The following MED27 variants were observed in gnomAD, a reference collection of about 807,000 sequenced individuals.
MED27 encodes the protein mediator complex subunit 27, also known as mediator of RNA polymerase II transcription subunit 27.
Under a neutral mutation model 38.2 loss-of-function variants are expected in MED27, and 30 were observed. The observed-to-expected ratio is 0.79, with a 90% CI of 0.59 to 1.07. The LOEUF (loss-of-function observed/expected upper bound fraction) is 1.07, where lower values mean the gene tolerates loss of function less well. MED27 is among the 50% of genes least tolerant of loss of function. The pLI is 0.00. For synonymous variants in MED27, 122 were observed against 153.5 expected, an observed-to-expected ratio of 0.79 and a Z score of 1.52; for missense variants, 289 against 397.5, an observed-to-expected ratio of 0.73 and a Z score of 2.32.
At chr9:132,056,908 A>G (rs1206083668) in intron 2 of MED27, among the ~76,000 whole-genome samples, 1 of 152,248 alleles carries the variant, frequency 6.6e-6, no homozygotes, top group African/African-American at 2.4e-5. Flanking sequence ...GAGGTAATGT[A>G]AACTCAGAGG....
intron 6 of MED27, among the ~76,000 whole-genome samples, chr9:131,878,407 A>T (rs1023266669): frequency 1.3e-5 from 2 of 152,238 alleles, no homozygotes; most frequent in African/African-American, 4.8e-5. Context: ...CCATTTGCTC[A>T]CAGCTAAAAG....
At chr9:131,950,272 T>G (rs1026636379) in intron 3 of MED27, among the ~76,000 whole-genome samples, 1 of 152,330 alleles carries the variant, frequency 6.6e-6, no homozygotes, top group East Asian at 1.9e-4. Context: ...GGAGCTCAGA[T>G]AGATGGTGAA....
intron 5 of MED27, among the ~76,000 whole-genome samples, chr9:131,892,263 G>T (rs1839241353): frequency 6.6e-6 from 1 of 152,162 alleles, no homozygotes; most frequent in Admixed American, 6.5e-5. Flanking sequence ...ATACCTCTGA[G>T]ACTCTATATT....
chr9:132,004,310 A>T (rs765325883), intron 3 of MED27, among the ~76,000 whole-genome samples: 13 of 152,166 alleles, frequency 8.5e-5, no homozygotes, highest in Non-Finnish European at 1.8e-4. Flanking sequence ...CCATAGACAG[A>T]TTTTTGCATT....
At chr9:132,030,109 T>C (rs1417558662) in intron 2 of MED27, among the ~76,000 whole-genome samples, 1 of 152,210 alleles carries the variant, frequency 6.6e-6, no homozygotes, top group Non-Finnish European at 1.5e-5. Context: ...TACTGGTCCA[T>C]CTGTTGGAGG....
intron 3 of MED27, among the ~76,000 whole-genome samples, chr9:132,005,470 CGT>C (rs1463089369): frequency 6.6e-6 from 1 of 152,152 alleles, no homozygotes; most frequent in Non-Finnish European, 1.5e-5. Flanking sequence ...TTTCTGTCAC[CGT>C]GTCAAGGTGG....
chr9:132,050,838 C>A (rs560815682), intron 2 of MED27, among the ~76,000 whole-genome samples: 1 of 152,204 alleles, frequency 6.6e-6, no homozygotes, highest in Admixed American at 6.5e-5. Context: ...TTGTCTCCCC[C>A]GGCAGAATGT....
At chr9:132,058,937 T>C (rs1015483762) in intron 2 of MED27, among the ~76,000 whole-genome samples, 1 of 152,200 alleles carries the variant, frequency 6.6e-6, no homozygotes, top group Admixed American at 6.5e-5. Flanking sequence ...GTCTTACACT[T>C]TATGGCACTT....
intron 3 of MED27, among the ~76,000 whole-genome samples, chr9:131,974,482 A>T (rs1831560898): frequency 6.6e-6 from 1 of 152,212 alleles, no homozygotes; most frequent in Non-Finnish European, 1.5e-5. Flanking sequence ...ATGTGTGATT[A>T]TATCTGACTA....
intron 3 of MED27, among the ~76,000 whole-genome samples, chr9:131,967,350 T>G (rs1275169992): frequency 6.6e-6 from 1 of 152,200 alleles, no homozygotes; most frequent in African/African-American, 2.4e-5. Flanking sequence ...CAAAAAATGC[T>G]CAATGGCTAC....
intron 3 of MED27, among the ~76,000 whole-genome samples, chr9:131,972,578 T>A (rs1480970530): frequency 1.3e-5 from 2 of 152,216 alleles, no homozygotes; most frequent in African/African-American, 4.8e-5. Context: ...AATGAATGAA[T>A]GAGTATTAAA....
intron 3 of MED27, among the ~76,000 whole-genome samples, chr9:131,985,972 TAAATA>T (rs1039525103): frequency 1.3e-5 from 2 of 151,374 alleles, no homozygotes; most frequent in African/African-American, 4.9e-5. Flanking sequence ...AAGAAAAAAA[TAAATA>T]AAATAAAACA....
At chr9:132,044,318 T>C (rs1446266754) in intron 2 of MED27, among the ~76,000 whole-genome samples, 5 of 152,234 alleles carry the variant, frequency 3.3e-5, no homozygotes, top group African/African-American at 4.8e-5. Flanking sequence ...GTTCAGCAAT[T>C]GTGTCAAGCA....
intron 4 of MED27, among the ~76,000 whole-genome samples, chr9:131,911,497 G>T (rs1253575314): frequency 2.6e-5 from 4 of 152,124 alleles, no homozygotes; most frequent in African/African-American, 7.2e-5. Context: ...TGGAACAATG[G>T]GTTCAAATCC....
chr9:131,999,410 G>A (rs1352812256), intron 3 of MED27, among the ~76,000 whole-genome samples: 1 of 152,200 alleles, frequency 6.6e-6, no homozygotes, highest in Non-Finnish European at 1.5e-5. Context: ...GTCTCTTGGT[G>A]TGGTTACCGA....
Position 132,022,606 on chromosome 9 carries a change from A to G in MED27, c.349-8139T>C, listed in dbSNP as rs943556352. Among the ~76,000 whole-genome samples, 10 of 152,312 alleles carry G rather than the reference A, an allele frequency of 6.6e-5. No homozygotes were observed. In the East Asian group the frequency reaches 1.2e-3, roughly 18 times the overall value. Reference sequence around the variant, plus strand: ...AATGCAAACATTTTACTAGTCACCAAAAGTCTCCAATTAAGGCAGCTAGTG... The same window carrying G: ...AATGCAAACATTTTACTAGTCACCAGAAGTCTCCAATTAAGGCAGCTAGTG... On this transcript the variant is annotated intron_variant, in intron 2 of 7. Coordinates refer to ENST00000292035, the MANE Select transcript of MED27 (RefSeq NM_004269.4).
At chr9:131,903,612 C>A (rs560763398) in intron 4 of MED27, among the ~76,000 whole-genome samples, 23 of 152,344 alleles carry the variant, frequency 1.5e-4, no homozygotes, top group African/African-American at 5.3e-4. Context: ...TTACTTCCAA[C>A]ATGGAACCCT....
rs1229463248 is a variant in MED27, at chr9:131,917,365, C to G, written c.573+22016G>C. ...GGGTTATACAGACCATGTACACCAC[C>G]TATCCTAGAAAGGGGGGGCTTTATC... On this transcript the variant is annotated intron_variant, in intron 4 of 7. Transcript: ENST00000292035. This position sits in a 1 kb window ranked among gnomAD's most constrained non-coding sequence, Gnocchi z 4.6. Among the ~76,000 whole-genome samples, 1 of 152,108 alleles carries G rather than the reference C, an allele frequency of 6.6e-6. No homozygotes were observed. Among genetic ancestry groups the G allele is most frequent in the Non-Finnish European group, 1.5e-5 (1 of 68,020 alleles).
At chr9:131,945,337 G>A (rs567554075) in intron 3 of MED27, among the ~76,000 whole-genome samples, 15 of 151,764 alleles carry the variant, frequency 9.9e-5, no homozygotes, top group Non-Finnish European at 1.9e-4. Context: ...TATTTATCAT[G>A]TACAACCTGT....
Sources: gnomAD v4.1 joint callset for allele counts (sites outside exome capture counted in the v4.1 genomes callset) on GRCh38, gnomAD v4.1.1 for gene constraint, Gnocchi (gnomAD v3.1) non-coding constraint, MANE v1.5 for transcripts, NCBI Gene and HGNC (gene_info 2026-07-23, HGNC 2026-07-21) for gene names.